The following TENM3 variants were observed in gnomAD, a reference collection of about 807,000 sequenced individuals.
TENM3 encodes teneurin transmembrane protein 3.
TENM3 carries 63 observed loss-of-function variants against 255.1 expected under a neutral mutation model. The observed-to-expected ratio is 0.25, with a 90% CI of 0.20 to 0.30. TENM3 has a LOEUF of 0.30. Ranked by LOEUF, TENM3 falls within the 10% of genes least tolerant of loss-of-function variation. The pLI, the probability that TENM3 is intolerant of heterozygous loss-of-function variation, is 1.00. For synonymous variants in TENM3, 1,306 were observed against 1,322.3 expected (o/e 0.99, Z 0.27); for missense variants, 2,929 against 3,461.1 (o/e 0.85, Z 3.86).
At chr4:182,192,610 C>T (rs1010752108) in intron 1 of TENM3, among the ~76,000 whole-genome samples, 3 of 152,196 alleles carry the variant, frequency 2.0e-5, no homozygotes, top group Non-Finnish European at 4.4e-5. Context: ...TCTGGTATGT[C>T]ATTCTTTCAT....
At chr4:182,614,890 C>T (rs1336426186) in intron 4 of TENM3, among the ~76,000 whole-genome samples, 1 of 151,526 alleles carries the variant, frequency 6.6e-6, no homozygotes, top group East Asian at 1.9e-4. Context: ...TTCATAGATC[C>T]GAAGCTACCA....
the TENM3 span, among the ~76,000 whole-genome samples, chr4:181,600,056 T>G: frequency 6.6e-6 from 1 of 152,242 alleles, no homozygotes; most frequent in Non-Finnish European, 1.5e-5. Context: ...TAGTTTTGGT[T>G]ATTTTCAGAC....
At chr4:182,765,225 A>C (rs1763598146) in intron 22 of TENM3, among the ~76,000 whole-genome samples, 1 of 152,216 alleles carries the variant, frequency 6.6e-6, no homozygotes, top group South Asian at 2.1e-4. Context: ...AGTGTGAATA[A>C]AATCATATTG....
chr4:181,485,757 G>T, the TENM3 span, among the ~76,000 whole-genome samples: 22 of 152,084 alleles, frequency 1.4e-4, no homozygotes, highest in Non-Finnish European at 2.4e-4. Context: ...TTTCAATGTT[G>T]ATCAACAGGG....
At chr4:182,473,741 T>C (rs994358814) in intron 3 of TENM3, among the ~76,000 whole-genome samples, 1 of 151,610 alleles carries the variant, frequency 6.6e-6, no homozygotes, top group African/African-American at 2.4e-5. Flanking sequence ...GAGGCCGAGG[T>C]GGGAGGATTG....
At chr4:182,604,821 G>A (rs1748253192) in intron 4 of TENM3, among the ~76,000 whole-genome samples, 1 of 152,084 alleles carries the variant, frequency 6.6e-6, no homozygotes, top group Admixed American at 6.5e-5. Flanking sequence ...TTACCTTCTA[G>A]TTCAGTAATG....
At chr4:182,379,149 G>A (rs753098811) in intron 3 of TENM3, among the ~76,000 whole-genome samples, 1 of 152,186 alleles carries the variant, frequency 6.6e-6, no homozygotes, top group East Asian at 1.9e-4. Flanking sequence ...AGGCCGGGGC[G>A]GGCGGATCAG....
chr4:182,650,899 TATATATATATATATATATATATATAA>T (rs1207461166), intron 5 of TENM3, among the ~76,000 whole-genome samples: 2 of 13,414 alleles, frequency 1.5e-4, no homozygotes, highest in Non-Finnish European at 2.7e-4. Context: ...AATATATATA[TATATATATATATATATATATATATAA>T]AACAAAGCTG....
the TENM3 span, among the ~76,000 whole-genome samples, chr4:181,883,732 C>A: frequency 6.6e-6 from 1 of 152,154 alleles, no homozygotes; most frequent in East Asian, 1.9e-4. Flanking sequence ...CCGCCTCAGC[C>A]CCCCAAAGTG....
intron 3 of TENM3, among the ~76,000 whole-genome samples, chr4:182,512,787 A>G (rs1184469510): frequency 6.6e-6 from 1 of 152,206 alleles, no homozygotes; most frequent in Non-Finnish European, 1.5e-5. Flanking sequence ...CCTAATGTGT[A>G]ACATGAAACA....
the TENM3 span, among the ~76,000 whole-genome samples, chr4:182,065,037 T>C: frequency 6.4e-4 from 1 of 1,568 alleles, no homozygotes; most frequent in Admixed American, 0.031. Context: ...ATTTCTTTCT[T>C]TTTTTTTTTT....
chr4:181,455,708 C>G, the TENM3 span, among the ~76,000 whole-genome samples: 1 of 151,520 alleles, frequency 6.6e-6, no homozygotes, highest in Non-Finnish European at 1.5e-5. Flanking sequence ...AGTGGAGTGT[C>G]GAGGTATTTA....
At chr4:181,756,856 A>G in the TENM3 span, among the ~76,000 whole-genome samples, 7 of 152,178 alleles carry the variant, frequency 4.6e-5, no homozygotes, top group African/African-American at 1.7e-4. Context: ...AACTTTCCAT[A>G]TTAGGACAAA....
At chr4:182,747,027 T>C (rs151320681) in intron 19 of TENM3, among the ~76,000 whole-genome samples, 193 of 152,332 alleles carry the variant, frequency 1.3e-3, no homozygotes, top group African/African-American at 4.3e-3. Flanking sequence ...TATCGTTACC[T>C]TCCCTTTCCT....
intron 22 of TENM3, 66 bp downstream of exon 22, chr4:182,755,325 C>T (rs2152754963): frequency 1.5e-6 from 2 of 1,291,546 alleles, no homozygotes; most frequent in Non-Finnish European, 1.0e-6. Context: ...TCTATAATAA[C>T]AATATAATCT....
chr4:181,787,832 CT>C, the TENM3 span, among the ~76,000 whole-genome samples: 7 of 152,078 alleles, frequency 4.6e-5, no homozygotes, highest in African/African-American at 1.7e-4. Context: ...TAACTCCTGC[CT>C]TCTTAAAATG....
the TENM3 span, among the ~76,000 whole-genome samples, chr4:181,797,158 C>A: frequency 6.7e-6 from 1 of 150,254 alleles, no homozygotes; most frequent in African/African-American, 2.5e-5. Flanking sequence ...TTTTTTTAAT[C>A]TTTTTTCCTT....
At chr4:181,901,139 C>A in the TENM3 span, among the ~76,000 whole-genome samples, 7 of 152,226 alleles carry the variant, frequency 4.6e-5, no homozygotes, top group South Asian at 8.3e-4. Flanking sequence ...AACTAAGAAA[C>A]TTCTAATGGT....
intron 6 of TENM3, among the ~76,000 whole-genome samples, chr4:182,669,427 A>G (rs868039076): frequency 1.3e-5 from 2 of 151,728 alleles, no homozygotes; most frequent in East Asian, 2.0e-4. Context: ...CCGCCACCAC[A>G]CCGGGCTAAT....
Sources: gnomAD v4.1 joint callset for allele counts (sites outside exome capture counted in the v4.1 genomes callset) on GRCh38, gnomAD v4.1.1 for gene constraint, MANE v1.5 for transcripts, NCBI Gene and HGNC (gene_info 2026-07-23, HGNC 2026-07-21) for gene names.